Variants in GMPS observed in about 807,000 individuals in gnomAD.
The protein encoded by GMPS is guanosine monophosphate synthase, also known as GMP synthase [glutamine-hydrolyzing].
GMPS carries 15 observed loss-of-function variants against 77.9 expected under a neutral mutation model. The ratio of observed to expected loss-of-function variants is 0.19; its 90% confidence interval spans 0.13 to 0.30. The LOEUF (loss-of-function observed/expected upper bound fraction) is 0.30, where lower values mean the gene tolerates loss of function less well. Among genes scored for constraint, GMPS ranks in the 10% least tolerant of loss-of-function variants. The pLI is 1.00. For synonymous variants in GMPS, 224 were observed against 275.9 expected (o/e 0.81, Z 1.86); for missense variants, 590 against 838.8 (o/e 0.70, Z 3.66).
intron 3 of GMPS, among the ~76,000 whole-genome samples, chr3:155,899,422 CTCT>C (rs1301291836): frequency 7.9e-6 from 1 of 127,176 alleles, no homozygotes; most frequent in African/African-American, 3.1e-5. Context: ...AGATAAGATA[CTCT>C]TCTTTTCTTT....
chr3:155,873,710 C>T (rs2108042446), intron 1 of GMPS, among the ~76,000 whole-genome samples: 1 of 128,216 alleles, frequency 7.8e-6, no homozygotes, highest in Admixed American at 9.7e-5. Context: ...TCTCGGCTCA[C>T]TGCAAGCTCT....
chr3:155,873,049 T>C (rs1050475813), intron 1 of GMPS, among the ~76,000 whole-genome samples: 5 of 152,158 alleles, frequency 3.3e-5, no homozygotes, highest in Non-Finnish European at 5.9e-5. Flanking sequence ...GAACCACCTT[T>C]CCCTTGGGAG....
chr3:155,873,529 T>C (rs895616191), intron 1 of GMPS, among the ~76,000 whole-genome samples: 1 of 152,050 alleles, frequency 6.6e-6, no homozygotes, highest in Non-Finnish European at 1.5e-5. Flanking sequence ...CCCAAAGTGC[T>C]GGGATTACAG....
intron 1 of GMPS, among the ~76,000 whole-genome samples, chr3:155,886,568 C>CAAA (rs371278045): frequency 2.5e-4 from 11 of 44,166 alleles, no homozygotes; most frequent in East Asian, 1.6e-3. Flanking sequence ...GAGTCCATCT[C>CAAA]AAAAAAAAAA....
At position 155,891,690 on chromosome 3, in the gene GMPS, TC is replaced by T; in HGVS notation, c.28-1826del. Among the ~76,000 whole-genome samples, 4 of 151,738 alleles carry T rather than the reference TC, an allele frequency of 2.6e-5. No homozygotes were observed. The South Asian group carries it at 8.4e-4, about 32-fold the overall frequency. On this transcript the variant is annotated intron_variant, in intron 1 of 15. Transcript: ENST00000496455. ...GGCGTGATCTTGGCTCACGGCAACT[TC>T]CGCCTCCTGGGTTCAAGTGATTCTC...
intron 12 of GMPS, among the ~76,000 whole-genome samples, chr3:155,927,739 T>C (rs1223568356): frequency 6.6e-6 from 1 of 152,170 alleles, no homozygotes; most frequent in Non-Finnish European, 1.5e-5. Flanking sequence ...GTTTTGTATG[T>C]GTCTTTCCAG....
At chr3:155,936,060 T>C (rs1755758262) in intron 14 of GMPS, among the ~76,000 whole-genome samples, 1 of 152,228 alleles carries the variant, frequency 6.6e-6, no homozygotes, top group Admixed American at 6.5e-5. Flanking sequence ...AGAATATAAC[T>C]ATACTGCAAA....
In GMPS at chr3:155,930,797, G is replaced by A. The variant is rs1439947981; in HGVS notation, c.1561-968G>A. Among the ~76,000 whole-genome samples the A allele has an allele frequency of 3.3e-5, 5 of 152,138 alleles. No homozygotes were observed. In the East Asian group the frequency reaches 9.6e-4, roughly 29 times the overall value. On this transcript the variant is annotated intron_variant, in intron 12 of 15. Coordinates refer to ENST00000496455, the MANE Select transcript of GMPS (RefSeq NM_003875.3). ...CACTCAAAAAACACAGGCAGATCTTGTCTGCCAAATTATAATTTTTCATAA... is the reference window on the plus strand; with the variant it reads ...CACTCAAAAAACACAGGCAGATCTTATCTGCCAAATTATAATTTTTCATAA...
chr3:155,909,009 A>T (rs1009634133), intron 5 of GMPS, among the ~76,000 whole-genome samples: 1 of 152,186 alleles, frequency 6.6e-6, no homozygotes, highest in Non-Finnish European at 1.5e-5. Context: ...GAACCAGCAA[A>T]GAGATTCAGA....
At chr3:155,922,568 G>A (rs1449983571) in intron 11 of GMPS, among the ~76,000 whole-genome samples, 1 of 152,158 alleles carries the variant, frequency 6.6e-6, no homozygotes, top group Non-Finnish European at 1.5e-5. Context: ...GATAGTAAGG[G>A]AAATCCTTTG....
chr3:155,933,745 G>A (rs1180891678), intron 13 of GMPS, among the ~76,000 whole-genome samples: 1 of 152,198 alleles, frequency 6.6e-6, no homozygotes, highest in African/African-American at 2.4e-5. Context: ...AACGAAAAGT[G>A]AATAGGGAGA....
chr3:155,936,477 A>G lies in GMPS; in HGVS notation c.1947A>G (p.Ile649Met). Residue 649 changes from isoleucine to methionine, a missense_variant, in exon 15 of 16, where the codon ATA becomes ATG. Physicochemically the swap from Ile to Met is conservative, Grantham distance 10 (BLOSUM62 1). Coordinates refer to ENST00000496455, the MANE Select transcript of GMPS (RefSeq NM_003875.3). ...TFITSDFMTGIPATPGNEIPV... is the reference protein window; with the variant it reads ...TFITSDFMTGMPATPGNEIPV... Reference sequence around the variant, plus strand: ...TTACTAGTGACTTCATGACTGGTATACCTGCAACACCTGGCAATGAGATCC... The same window carrying G: ...TTACTAGTGACTTCATGACTGGTATGCCTGCAACACCTGGCAATGAGATCC... 1 of 1,606,392 alleles carries G rather than the reference A, an allele frequency of 6.2e-7. No homozygotes were observed. The highest frequency in any genetic ancestry group is 8.5e-7 in the Non-Finnish European group (1 of 1,173,006).
chr3:155,926,307 C>T (rs148907544), intron 12 of GMPS, among the ~76,000 whole-genome samples: 5 of 152,254 alleles, frequency 3.3e-5, no homozygotes, highest in African/African-American at 7.2e-5. Context: ...ACACTGTACC[C>T]GGCCTTCTTT....
chr3:155,881,996 A>T lies in GMPS; in HGVS notation c.27+11099A>T, dbSNP rs1014128520. Among the ~76,000 whole-genome samples the T allele has an allele frequency of 1.1e-4, 17 of 152,216 alleles. 1 individual carries two copies. Among genetic ancestry groups the T allele is most frequent in the Admixed American group, 1.1e-3 (17 of 15,272 alleles). ...GCTGGGAGGATTGCTTGAGCCTGGG[A>T]AGCAGAGGTTGCAGTGAGCTGAGGT... is the stretch of plus-strand genomic sequence containing the variant. On this transcript the variant is annotated intron_variant, in intron 1 of 15. Transcript: ENST00000496455.
Position 155,919,218 on chromosome 3 carries a change from C to T in GMPS, c.1213-15C>T. 1 of 1,254,354 alleles carries T rather than the reference C, an allele frequency of 8.0e-7. No homozygotes were observed. The highest frequency in any genetic ancestry group is 1.3e-5 in the South Asian group (1 of 76,848). 77.7% of individuals were successfully genotyped at this position (1,254,354 alleles called of 1,614,324 possible). ...GTTACTAGTTTATATTGGTTGGCTT[C>T]TTTCCTCCCTGTAGGGAAAAGTAAT... On this transcript the variant is annotated splice_polypyrimidine_tract_variant and intron_variant, in intron 9 of 15. Coordinates refer to ENST00000496455, the MANE Select transcript of GMPS (RefSeq NM_003875.3).
rs1450412836 is a variant in GMPS at position 155,943,463 on chromosome 3, G to T, written c.*5771G>T. On this transcript the variant is annotated 3_prime_UTR_variant, in exon 16 of 16. Coordinates refer to ENST00000496455, the MANE Select transcript of GMPS (RefSeq NM_003875.3). ...AGATTTTTAAGGTAAGTAGTTTTTC[G>T]TCTTTGCATCTCCTAAGACCATTGT... The T allele has an allele frequency of 1.1e-5, 2 of 179,072 alleles. No individual in the cohort carries two copies. Among genetic ancestry groups the T allele is most frequent in the African/African-American group, 4.7e-5 (2 of 42,286 alleles). 11.1% of individuals were successfully genotyped at this position (179,072 alleles called of 1,614,324 possible).
intron 2 of GMPS, among the ~76,000 whole-genome samples, chr3:155,895,789 G>A (rs1754587416): frequency 1.3e-5 from 2 of 152,118 alleles, no homozygotes; most frequent in Non-Finnish European, 2.9e-5. Flanking sequence ...ATTGGTTTAA[G>A]TACTACTTGA....
chr3:155,932,247 A>G (rs1221221323), intron 13 of GMPS, among the ~76,000 whole-genome samples: 2 of 151,652 alleles, frequency 1.3e-5, no homozygotes, highest in African/African-American at 4.8e-5. Flanking sequence ...TGAAAAAAGT[A>G]TGTCCAGGTT....
chr3:155,889,477 G>A (rs575308817), intron 1 of GMPS, among the ~76,000 whole-genome samples: 54 of 152,318 alleles, frequency 3.5e-4, no homozygotes, highest in Middle Eastern at 3.4e-3. Flanking sequence ...CTTCTGGGTC[G>A]TACCTCTTGG....
Sources: allele counts gnomAD v4.1 joint callset (sites outside exome capture counted in the v4.1 genomes callset), GRCh38; gene constraint gnomAD v4.1.1; transcripts MANE v1.5; gene names NCBI Gene and HGNC (gene_info 2026-07-23, HGNC 2026-07-21).